Variants in DLG3 observed in about 807,000 individuals in gnomAD.
The protein encoded by DLG3 is disks large homolog 3.
In DLG3, 1 loss-of-function variant was observed where a neutral mutation model predicts 64.1. The observed-to-expected ratio is 0.02, with a 90% CI of 0.01 to 0.07. The LOEUF is 0.07. Ranked by LOEUF, DLG3 falls within the 10% of genes least tolerant of loss-of-function variation. The pLI, the probability that DLG3 is intolerant of heterozygous loss-of-function variation, is 1.00. For synonymous variants in DLG3, 245 were observed against 259.8 expected, an observed-to-expected ratio of 0.94 and a Z score of 0.55; for missense variants, 429 against 669.5, an observed-to-expected ratio of 0.64 and a Z score of 3.96.
rs773366659 is a variant in DLG3, at chrX:70,451,981, A to G, written c.1100A>G (p.Tyr367Cys). 1.7e-6 allele frequency: 2 copies of G among 1,208,995 alleles called. No individual in the cohort carries two copies. Among genetic ancestry groups the G allele is most frequent in the Admixed American group, 2.2e-5 (1 of 45,809 alleles). The change falls in exon 7 of 19, where the codon TAC (tyrosine) becomes TGC (cysteine). Residue 367 changes from tyrosine to cysteine, a missense_variant. By Grantham distance (194) the Tyr-to-Cys change is radical. Transcript: ENST00000374360. ...CCTCCTCAGGTTCCCCCCACCCGCT[A>G]CTCTCCTATTCCCAGGCACATGCTG... ...PAPPQVPPTR[Y>C]SPIPRHMLAE... is the part of the protein sequence containing the mutation.
At position 70,505,467 on chromosome X, in the gene DLG3, A is replaced by G. The variant is rs2087635753; in HGVS notation, c.*3198A>G. The G allele has an allele frequency of 1.8e-5, 2 of 112,547 alleles. No homozygotes were observed. The highest frequency in any genetic ancestry group is 7.4e-4 in the South Asian group (2 of 2,692). 9.3% of individuals were successfully genotyped at this position (112,547 alleles called of 1,213,427 possible). A position where few individuals can be genotyped will look rare whatever the true frequency, so the allele number is the denominator to read the frequency against. On this transcript the variant is annotated 3_prime_UTR_variant, in exon 19 of 19. Coordinates refer to ENST00000374360, the MANE Select transcript of DLG3 (RefSeq NM_021120.4). ...AACCTTATGGTCTACCCATGAATAA[A>G]TAAAATATTTGTTCAAGCACAAATG...
At chrX:70,468,316 C>T (rs757334392) in intron 9 of DLG3, among the ~76,000 whole-genome samples, 7 of 111,539 alleles carry the variant, frequency 6.3e-5, no homozygotes, top group Admixed American at 2.9e-4. Flanking sequence ...GTGATCCGCC[C>T]GCTTCGGCCT....
intron 9 of DLG3, among the ~76,000 whole-genome samples, chrX:70,470,938 T>C (rs1045974896): frequency 9.0e-6 from 1 of 111,456 alleles, no homozygotes; most frequent in Non-Finnish European, 1.9e-5. Context: ...ACCTCTGACA[T>C]GTTAGTGTTT....
At chrX:70,487,064 T>G (rs2147861122) in intron 10 of DLG3, among the ~76,000 whole-genome samples, 1 of 112,487 alleles carries the variant, frequency 8.9e-6, no homozygotes, top group East Asian at 2.8e-4. Context: ...TTTACATACT[T>G]TTTTTGGTTA....
intron 7 of DLG3, 152 bp downstream of exon 7, chrX:70,452,178 C>CAGGCCTTGGGGACCTAGAGAGGGACAGAA (rs2086626060): frequency 2.1e-5 from 23 of 1,081,941 alleles, no homozygotes; most frequent in Non-Finnish European, 2.5e-5. Flanking sequence ...GGCCCTCTCT[C>CAGGCCTTGGGGACCTAGAGAGGGACAGAA]AGGCCTTGGG....
chrX:70,468,864 T>C (rs1442074607), intron 9 of DLG3, among the ~76,000 whole-genome samples: 1 of 111,960 alleles, frequency 8.9e-6, no homozygotes, highest in East Asian at 2.8e-4. Flanking sequence ...GTTCTAACTT[T>C]GATTCCGTAT....
chrX:70,446,697 G>A (rs181669379), intron 1 of DLG3, among the ~76,000 whole-genome samples: 113 of 113,131 alleles, frequency 1.0e-3, no homozygotes, highest in African/African-American at 3.5e-3. Context: ...AGCATCTGTG[G>A]GAGAAGCAGC....
rs760085776 is a variant in DLG3 at position 70,451,897 on chromosome X, G to A, written c.1016G>A (p.Ser339Asn). Residue 339 changes from serine to asparagine, a missense_variant, in exon 7 of 19, where the codon AGC becomes AAC. Around this residue, in one of 9 missense-constraint regions of DLG3, gnomAD observed 54 missense variants for 54.4 expected, o/e 0.99. Coordinates refer to ENST00000374360, the MANE Select transcript of DLG3 (RefSeq NM_021120.4). The part of the protein sequence containing the change: ...TFTALADNHI[S>N]HNSSLGYLGA... The stretch of plus-strand genomic sequence containing the variant: ...ACTGCCTTGGCTGACAACCACATAA[G>A]CCATAATTCCAGCCTGGGTTATCTC... 1 of 1,211,394 alleles carries A rather than the reference G, an allele frequency of 8.3e-7. No individual in the cohort carries two copies. Among genetic ancestry groups the A allele is most frequent in the Non-Finnish European group, 1.1e-6 (1 of 895,432 alleles).
intron 3 of DLG3, 64 bp from the exon 4 acceptor site, chrX:70,449,626 G>A (rs1219600605): frequency 1.7e-6 from 2 of 1,185,359 alleles, no homozygotes; most frequent in Non-Finnish European, 2.3e-6. Context: ...AGAAGTGGGA[G>A]GAAGCAGGAG....
chrX:70,455,405 C>A, intron 9 of DLG3: 1 of 690,940 alleles, frequency 1.4e-6, no homozygotes. Flanking sequence ...CCCCCAGGCT[C>A]CTTCTGAGAC....
intron 9 of DLG3, among the ~76,000 whole-genome samples, chrX:70,472,464 A>G (rs1010629520): frequency 8.9e-6 from 1 of 111,842 alleles, no homozygotes; most frequent in Non-Finnish European, 1.9e-5. Context: ...CTGAGGCACA[A>G]GAATTCCTTG....
chrX:70,460,392 G>GGA (rs1166179517), intron 9 of DLG3, among the ~76,000 whole-genome samples: 1 of 111,397 alleles, frequency 9.0e-6, no homozygotes, highest in Non-Finnish European at 1.9e-5. Flanking sequence ...GAAGCCTGAG[G>GGA]GAGATCCCTT....
At chrX:70,489,317 T>C (rs1224110045) in intron 10 of DLG3, among the ~76,000 whole-genome samples, 1 of 111,974 alleles carries the variant, frequency 8.9e-6, no homozygotes, top group African/African-American at 3.2e-5. Context: ...TTTGTTTTGT[T>C]TTCGAGATGG....
At chrX:70,455,083 G>C in intron 9 of DLG3, 1 of 735,096 alleles carries the variant, frequency 1.4e-6, no homozygotes, top group Non-Finnish European at 1.6e-6. Flanking sequence ...GGCGGCAGGC[G>C]CCCCTCCTTC....
intron 10 of DLG3, among the ~76,000 whole-genome samples, chrX:70,482,857 C>T (rs754272393): frequency 3.7e-5 from 4 of 108,017 alleles, no homozygotes; most frequent in Admixed American, 2.0e-4. Flanking sequence ...TTAGTAGAGA[C>T]AGGGTTTCAT....
At chrX:70,493,410 T>A (rs749326117) in intron 12 of DLG3, 3 of 1,209,055 alleles carry the variant, frequency 2.5e-6, no homozygotes, top group Non-Finnish European at 3.4e-6. Context: ...AGTTTCCGCC[T>A]CTCTCGAAAG....
intron 7 of DLG3, chrX:70,452,781 AG>A (rs2086638351): frequency 8.8e-7 from 1 of 1,139,374 alleles, no homozygotes. Flanking sequence ...TAGGAGCAAG[AG>A]CATCCGGGAC....
intron 6 of DLG3, 35 bp downstream of exon 6, chrX:70,450,818 G>T (rs1303608820): frequency 8.3e-7 from 1 of 1,210,089 alleles, no homozygotes; most frequent in Non-Finnish European, 1.1e-6. Flanking sequence ...CTGGTCTAAA[G>T]CTCTGTCCCC....
Position 70,455,154 on chromosome X carries a change from C to T in DLG3, c.1405+838C>T, listed in dbSNP as rs1417722732. 5 of 750,366 alleles carry T rather than the reference C, an allele frequency of 6.7e-6. No homozygotes were observed. The African/African-American group carries it at 9.3e-5, about 14-fold the overall frequency. The allele number at this position is 750,366 out of a possible 1,213,427, so 61.8% of individuals were successfully genotyped here. A position where few individuals can be genotyped will look rare whatever the true frequency, so the allele number is the denominator to read the frequency against. On this transcript the variant is annotated intron_variant, in intron 9 of 18. Transcript: ENST00000374360. ...CCTCCTTCCCCCTCCTCTCTCCTCC[C>T]CTCCTCCCGCGCGCCCCGCTTTGTG...
Sources: gnomAD v4.1 joint callset for allele counts (sites outside exome capture counted in the v4.1 genomes callset) on GRCh38, gnomAD v4.1.1 for gene constraint, gnomAD v4.1.1 regional missense constraint, MANE v1.5 for transcripts, NCBI Gene and HGNC (gene_info 2026-07-23, HGNC 2026-07-21) for gene names.